SERPINA10: variants seen among roughly 807,000 people sequenced by gnomAD.
The protein encoded by SERPINA10 is protein Z-dependent protease inhibitor.
Under a neutral mutation model 28.0 loss-of-function variants are expected in SERPINA10, and 24 were observed. The observed-to-expected ratio is 0.86, with a 90% CI of 0.62 to 1.20. SERPINA10 has a LOEUF of 1.20. Ranked by LOEUF, SERPINA10 falls within the 50% of genes most tolerant of loss-of-function variation. SERPINA10 has a pLI of 0.00. For missense variants in SERPINA10, 521 were observed against 537.7 expected (o/e 0.97, Z 0.31); for synonymous variants, 207 against 203.9 (o/e 1.02, Z -0.13).
chr14:94,292,855 T>C (rs1040049671), intron 1 of SERPINA10: 1 of 599,732 alleles, frequency 1.7e-6, no homozygotes, highest in Non-Finnish European at 3.0e-6. Flanking sequence ...TTCTCAGCCC[T>C]GGGACAGCAC....
chr14:94,292,547 T>A, intron 1 of SERPINA10: 1 of 700,688 alleles, frequency 1.4e-6, no homozygotes, highest in South Asian at 1.5e-5. Flanking sequence ...CCCTGTACAA[T>A]GGTCAGGAAA....
chr14:94,280,643 T>C lies in SERPINA10; in HGVS notation c.*3322A>G, dbSNP rs1345882466. The stretch of plus-strand genomic sequence containing the variant: ...TTATCAAATTAATCCTTTAAGCTAG[T>C]TGTATGGCAAAGAAAAATCTCCCTC... On this transcript the variant is annotated 3_prime_UTR_variant, in exon 5 of 5. Coordinates refer to ENST00000261994, the MANE Select transcript of SERPINA10 (RefSeq NM_001100607.3). 1 of 152,190 alleles carries C rather than the reference T, an allele frequency of 6.6e-6. No individual in the cohort carries two copies. Among genetic ancestry groups the C allele is most frequent in the African/African-American group, 2.4e-5 (1 of 41,454 alleles). 9.4% of individuals were successfully genotyped at this position (152,190 alleles called of 1,614,324 possible).
Position 94,283,831 on chromosome 14 carries a change from AT to A in SERPINA10, c.*133del. The stretch of plus-strand genomic sequence containing the variant: ...CAGATAAGTGGGGACTACTGTATTT[AT>A]TTGAGAACACCCTAAACTAGTTAAG... On this transcript the variant is annotated 3_prime_UTR_variant, in exon 5 of 5. Transcript: ENST00000261994. The A allele has an allele frequency of 1.2e-6, 1 of 863,486 alleles. No individual in the cohort carries two copies. The highest frequency in any genetic ancestry group is 1.9e-6 in the Non-Finnish European group (1 of 531,700). 53.5% of individuals were successfully genotyped at this position (863,486 alleles called of 1,614,324 possible).
At chr14:94,293,026 T>C in intron 1 of SERPINA10, 163 bp downstream of exon 1, 1 of 292,354 alleles carries the variant, frequency 3.4e-6, no homozygotes, top group Non-Finnish European at 6.8e-6. Context: ...CCACTCCAGC[T>C]CCCAATCTGT....
chr14:94,284,303 A>G, intron 4 of SERPINA10, 147 bp from the exon 5 acceptor site: 2 of 774,062 alleles, frequency 2.6e-6, no homozygotes, highest in South Asian at 1.5e-5. Context: ...CGTTAAGAGG[A>G]GTGGTCTGGG....
At chr14:94,285,200 T>G (rs1894989653) in intron 4 of SERPINA10, among the ~76,000 whole-genome samples, 1 of 152,130 alleles carries the variant, frequency 6.6e-6, no homozygotes, top group African/African-American at 2.4e-5. Flanking sequence ...TGGGAGCATT[T>G]TTATAGTGAT....
intron 1 of SERPINA10, chr14:94,292,679 A>G (rs1895208629): frequency 1.4e-6 from 1 of 701,596 alleles, no homozygotes; most frequent in Admixed American, 2.0e-5. Context: ...TCCTGGACAT[A>G]TATCGCCTAA....
chr14:94,286,911 A>G (rs1895038691), intron 3 of SERPINA10, among the ~76,000 whole-genome samples: 1 of 152,224 alleles, frequency 6.6e-6, no homozygotes, highest in Non-Finnish European at 1.5e-5. Flanking sequence ...AGATATGAAG[A>G]AAAATGAAAG....
At position 94,290,026 on chromosome 14, in the gene SERPINA10, A is replaced by G. The variant is rs1214625161; in HGVS notation, c.568T>C (p.Cys190Arg). The change falls in exon 2 of 5, where the codon TGC becomes CGC. Residue 190 changes from cysteine to arginine, a missense_variant. Coordinates refer to ENST00000261994, the MANE Select transcript of SERPINA10 (RefSeq NM_001100607.3). ...NLSKRYFDTE[C>R]VPMNFRNASQ... is the part of the protein sequence containing the mutation. ...GCATTGCGAAAATTCATAGGCACGC[A>G]CTCTGTATCAAAATACCTCTTGGAT... 30 of 1,614,182 alleles carry G rather than the reference A, an allele frequency of 1.9e-5. No homozygotes were observed. The highest frequency in any genetic ancestry group is 2.2e-5 in the South Asian group (2 of 91,086).
At chr14:94,285,592 T>TAC (rs1173568968) in intron 4 of SERPINA10, among the ~76,000 whole-genome samples, 2 of 151,860 alleles carry the variant, frequency 1.3e-5, no homozygotes, top group Non-Finnish European at 2.9e-5. Flanking sequence ...TATATATATA[T>TAC]ACATATAACA....
Position 94,288,475 on chromosome 14 carries a change from A to G in SERPINA10, c.803T>C (p.Met268Thr), listed in dbSNP as rs1296152232. The change falls in exon 3 of 5, where the codon ATG becomes ACG. Residue 268 changes from methionine (M) to threonine (T), a missense_variant. Physicochemically the swap from Met to Thr is moderately conservative, Grantham distance 81. Coordinates refer to ENST00000261994, the MANE Select transcript of SERPINA10 (RefSeq NM_001100607.3). Reference sequence around the variant, plus strand: ...GGCAAACTTGCCTGCACCGTACATCATGGGCACCTTAATGGTCTTGTACTT... The same window carrying G: ...GGCAAACTTGCCTGCACCGTACATCGTGGGCACCTTAATGGTCTTGTACTT... Reference protein sequence around the residue: ...LDKYKTIKVPMMYGAGKFAST... With the variant: ...LDKYKTIKVPTMYGAGKFAST... The G allele has an allele frequency of 1.2e-6, 2 of 1,614,158 alleles. No homozygotes were observed. Among genetic ancestry groups the G allele is most frequent in the Non-Finnish European group, 1.7e-6 (2 of 1,180,024 alleles).
rs1595567652 is a variant in SERPINA10, at chr14:94,292,133, T to G, written c.-51+1056A>C. Among the ~76,000 whole-genome samples, 4 of 152,156 alleles carry G rather than the reference T, an allele frequency of 2.6e-5. No individual in the cohort carries two copies. The East Asian group carries it at 7.7e-4, about 29-fold the overall frequency. On this transcript the variant is annotated intron_variant, in intron 1 of 4. Transcript: ENST00000261994. Reference sequence around the variant, plus strand: ...TGGACTGAATGTGTCCCCTGAGAATTAATAAGTTGAAGCCCGAACCACCAT... The same window carrying G: ...TGGACTGAATGTGTCCCCTGAGAATGAATAAGTTGAAGCCCGAACCACCAT...
Position 94,290,023 on chromosome 14 carries a change from C to A in SERPINA10, c.571G>T (p.Val191Leu). ...LSKRYFDTEC[V>L]PMNFRNASQA... The stretch of plus-strand genomic sequence containing the variant: ...GAGGCATTGCGAAAATTCATAGGCA[C>A]GCACTCTGTATCAAAATACCTCTTG... Residue 191 changes from valine to leucine, a missense_variant, in exon 2 of 5, where the codon GTG becomes TTG. Coordinates refer to ENST00000261994, the MANE Select transcript of SERPINA10 (RefSeq NM_001100607.3). 1 of 1,614,156 alleles carries A rather than the reference C, an allele frequency of 6.2e-7. No homozygotes were observed. Among genetic ancestry groups the A allele is most frequent in the African/African-American group, 1.3e-5 (1 of 75,024 alleles).
chr14:94,284,240 T>A, intron 4 of SERPINA10, 84 bp from the exon 5 acceptor site: 1 of 1,221,814 alleles, frequency 8.2e-7, no homozygotes, highest in Non-Finnish European at 1.2e-6. Flanking sequence ...TTCTTCACAG[T>A]GGTCCTACCC....
rs1419304885 is a variant in SERPINA10 at position 94,280,503 on chromosome 14, G to C, written c.*3462C>G. The C allele has an allele frequency of 6.6e-6, 1 of 152,182 alleles. No individual in the cohort carries two copies. Among genetic ancestry groups the C allele is most frequent in the East Asian group, 1.9e-4 (1 of 5,208 alleles). The allele number at this position is 152,182 out of a possible 1,614,324, so 9.4% of individuals were successfully genotyped here. The stretch of plus-strand genomic sequence containing the variant: ...TATTAAAATTATACTCTCAAGGACA[G>C]ATATATAGAAACAGGATAAACAGCA... On this transcript the variant is annotated 3_prime_UTR_variant, in exon 5 of 5. Transcript: ENST00000261994.
chr14:94,288,459 G>A lies in SERPINA10; in HGVS notation c.819C>T (p.Gly273=). The change falls in exon 3 of 5, where the codon GGC becomes GGT. Residue 273 remains glycine, a synonymous_variant. Coordinates refer to ENST00000261994, the MANE Select transcript of SERPINA10 (RefSeq NM_001100607.3). ...TCTTGTCAAAGGTGGAGGCAAACTT[G>A]CCTGCACCGTACATCATGGGCACCT... ...TIKVPMMYGA[G]KFASTFDKNF... is the part of the protein sequence containing the mutation. The A allele has an allele frequency of 6.2e-7, 1 of 1,614,156 alleles. No individual in the cohort carries two copies. The highest frequency in any genetic ancestry group is 1.1e-5 in the South Asian group (1 of 91,072).
Position 94,288,385 on chromosome 14 carries a change from ATGG to A in SERPINA10, c.890_892del (p.Thr297del). The A allele has an allele frequency of 6.2e-7, 1 of 1,614,136 alleles. No individual in the cohort carries two copies. Among genetic ancestry groups the A allele is most frequent in the South Asian group, 1.1e-5 (1 of 91,078 alleles). On this transcript the variant is annotated inframe_deletion, in exon 3 of 5. Coordinates refer to ENST00000261994, the MANE Select transcript of SERPINA10 (RefSeq NM_001100607.3). ...CATTTTCTCCATGAGGACCACCAGC[ATGG>A]TGGCATTTCCTTGGTAGGGCAGTTT...
chr14:94,283,405 TG>T lies in SERPINA10; in HGVS notation c.*559del. 1 of 153,716 alleles carries T rather than the reference TG, an allele frequency of 6.5e-6. No homozygotes were observed. Among genetic ancestry groups the T allele is most frequent in the Middle Eastern group, 3.4e-3 (1 of 294 alleles). 9.5% of individuals were successfully genotyped at this position (153,716 alleles called of 1,614,324 possible). ...AGTCTCAGTTAACCATGGTCAACCA[TG>T]GTCCAAAAACATTAAATGAAAAATT... On this transcript the variant is annotated 3_prime_UTR_variant, in exon 5 of 5. Transcript: ENST00000261994.
Position 94,290,450 on chromosome 14 carries a change from T to C in SERPINA10, c.144A>G (p.Glu48=). The change falls in exon 2 of 5, where the codon GAA becomes GAG. Residue 48 remains glutamate (E), a synonymous_variant. Transcript: ENST00000261994. Reference sequence around the variant, plus strand: ...CGCTGGCCTCCTGCTCATCTTCCTCTTCCTCCTTGGGAGCCTGCACTACCC... The same window carrying C: ...CGCTGGCCTCCTGCTCATCTTCCTCCTCCTCCTTGGGAGCCTGCACTACCC... The part of the protein sequence containing the change: ...TSRVVQAPKE[E]EEDEQEASEE... 1 of 1,613,542 alleles carries C rather than the reference T, an allele frequency of 6.2e-7. No homozygotes were observed. Among genetic ancestry groups the C allele is most frequent in the Non-Finnish European group, 8.5e-7 (1 of 1,179,692 alleles).
Sources: gnomAD v4.1 joint callset for allele counts (sites outside exome capture counted in the v4.1 genomes callset) on GRCh38, gnomAD v4.1.1 for gene constraint, MANE v1.5 for transcripts, NCBI Gene and HGNC (gene_info 2026-07-23, HGNC 2026-07-21) for gene names.